GPT2: variants seen among roughly 807,000 people sequenced by gnomAD.
GPT2 encodes alanine aminotransferase 2.
In GPT2, 30 loss-of-function variants were observed where a neutral mutation model predicts 56.9. That is an observed-to-expected ratio of 0.53 (90% CI 0.39 to 0.72). GPT2 has a LOEUF of 0.72. Among genes scored for constraint, GPT2 ranks in the 30% least tolerant of loss-of-function variants. The probability of loss-of-function intolerance (pLI) is 0.00; values close to 1 mark genes in which losing one functional copy is unlikely to be tolerated. For missense variants in GPT2, 542 were observed against 703.4 expected (o/e 0.77, Z 2.60); for synonymous variants, 271 against 283.1 (o/e 0.96, Z 0.43).
intron 4 of GPT2, among the ~76,000 whole-genome samples, chr16:46,904,334 C>T (rs1002297257): frequency 2.6e-5 from 4 of 152,142 alleles, no homozygotes; most frequent in South Asian, 2.1e-4. Flanking sequence ...TTGCTCGAGC[C>T]CAGGAGTTCA....
At chr16:46,905,779 C>T (rs1396585193) in intron 4 of GPT2, among the ~76,000 whole-genome samples, 1 of 152,168 alleles carries the variant, frequency 6.6e-6, no homozygotes, top group Admixed American at 6.5e-5. Flanking sequence ...TCGATGTCTC[C>T]CCACCAGGCT....
At chr16:46,908,733 A>G (rs931804673) in intron 5 of GPT2, among the ~76,000 whole-genome samples, 2 of 152,134 alleles carry the variant, frequency 1.3e-5, no homozygotes, top group Non-Finnish European at 2.9e-5. Context: ...TCTGCTGTCA[A>G]GGCCTCTCTT....
At chr16:46,910,573 A>G (rs1052352318) in intron 6 of GPT2, among the ~76,000 whole-genome samples, 1 of 151,804 alleles carries the variant, frequency 6.6e-6, no homozygotes, top group African/African-American at 2.4e-5. Context: ...GTAAATGCAG[A>G]CATTTTCTGG....
At chr16:46,922,181 A>G in intron 8 of GPT2, 61 bp from the exon 9 acceptor site, 3 of 1,544,648 alleles carry the variant, frequency 1.9e-6, no homozygotes, top group Non-Finnish European at 2.7e-6. Context: ...GGCTGTCCAA[A>G]TGGCACTTTG....
At chr16:46,919,279 G>A (rs1345008102) in intron 8 of GPT2, among the ~76,000 whole-genome samples, 1 of 152,218 alleles carries the variant, frequency 6.6e-6, no homozygotes, top group African/African-American at 2.4e-5. Flanking sequence ...CCCTCCTGCC[G>A]GCACAAAGCG....
At chr16:46,906,162 C>T (rs1960921557) in intron 4 of GPT2, among the ~76,000 whole-genome samples, 1 of 152,118 alleles carries the variant, frequency 6.6e-6, no homozygotes, top group Admixed American at 6.6e-5. Flanking sequence ...CAGCCTCTAC[C>T]TCCTGAGCTC....
In GPT2 at chr16:46,929,215, G is replaced by A; in HGVS notation, c.*218G>A. 1 of 554,626 alleles carries A rather than the reference G, an allele frequency of 1.8e-6. No homozygotes were observed. Among genetic ancestry groups the A allele is most frequent in the South Asian group, 2.2e-5 (1 of 45,480 alleles). The allele number at this position is 554,626 out of a possible 1,614,324, so 34.4% of individuals were successfully genotyped here. ...ATTCTATATGCAACCAGAGTAGAGG[G>A]GACCTGCTCAGCAGGTGTGACCAGG... is the stretch of plus-strand genomic sequence containing the variant. On this transcript the variant is annotated 3_prime_UTR_variant, in exon 12 of 12. Transcript: ENST00000340124.
chr16:46,914,738 C>T (rs745335357), intron 6 of GPT2, among the ~76,000 whole-genome samples: 14 of 152,222 alleles, frequency 9.2e-5, no homozygotes, highest in Admixed American at 5.9e-4. Context: ...AGACGATGAG[C>T]GGGGAGAGGC....
At chr16:46,917,913 TG>T (rs1234501514) in intron 7 of GPT2, among the ~76,000 whole-genome samples, 3 of 152,176 alleles carry the variant, frequency 2.0e-5, no homozygotes, top group African/African-American at 4.8e-5. Context: ...AACTTCCTTC[TG>T]GGTCTGGGAA....
intron 6 of GPT2, among the ~76,000 whole-genome samples, chr16:46,912,518 A>T (rs754089545): frequency 6.6e-6 from 1 of 152,192 alleles, no homozygotes; most frequent in Non-Finnish European, 1.5e-5. Context: ...CTCCCGCTGG[A>T]GTTCCCCATA....
In GPT2 at chr16:46,929,074, G is replaced by A. The variant is rs747977704; in HGVS notation, c.*77G>A. 1.3e-4 allele frequency: 152 copies of A among 1,170,460 alleles called. No individual in the cohort carries two copies. The highest frequency in any genetic ancestry group is 1.8e-4 in the Non-Finnish European group (143 of 780,974). The allele number at this position is 1,170,460 out of a possible 1,614,324, so 72.5% of individuals were successfully genotyped here. ...CCGTCAGGCTGAACTCGCCTCCCCC[G>A]TGACTCTGCCTCGGGCCTCGCAGAG... is the stretch of plus-strand genomic sequence containing the variant. On this transcript the variant is annotated 3_prime_UTR_variant, in exon 12 of 12. Coordinates refer to ENST00000340124, the MANE Select transcript of GPT2 (RefSeq NM_133443.4).
chr16:46,904,615 C>G (rs1013847473), intron 4 of GPT2, among the ~76,000 whole-genome samples: 1 of 151,980 alleles, frequency 6.6e-6, no homozygotes, highest in Non-Finnish European at 1.5e-5. Flanking sequence ...GTCTGTGACC[C>G]GCAGAAGTAA....
chr16:46,930,917 G>A lies in GPT2; in HGVS notation c.*1920G>A, dbSNP rs1038615294. 29 of 152,772 alleles carry A rather than the reference G, an allele frequency of 1.9e-4. No homozygotes were observed. Among genetic ancestry groups the A allele is most frequent in the African/African-American group, 7.0e-4 (29 of 41,576 alleles). The allele number at this position is 152,772 out of a possible 1,614,324, so 9.5% of individuals were successfully genotyped here. A position where few individuals can be genotyped will look rare whatever the true frequency, so the allele number is the denominator to read the frequency against. On this transcript the variant is annotated 3_prime_UTR_variant, in exon 12 of 12. Transcript: ENST00000340124. The stretch of plus-strand genomic sequence containing the variant: ...GAGGTTAACGTCGGGTAGGAATGCT[G>A]ATCATGATAGGTTTGGTTTTCTACA...
intron 2 of GPT2, among the ~76,000 whole-genome samples, chr16:46,888,260 A>G (rs1364843934): frequency 6.6e-6 from 1 of 152,258 alleles, no homozygotes; most frequent in African/African-American, 2.4e-5. Flanking sequence ...ACATGGCTAT[A>G]GTTAGCTAAG....
chr16:46,892,168 A>G (rs114708202), intron 2 of GPT2, among the ~76,000 whole-genome samples: 3,414 of 152,272 alleles, frequency 0.022, 78 homozygotes, highest in African/African-American at 0.055. Context: ...TCCACATATG[A>G]GTGAGATCAT....
intron 6 of GPT2, among the ~76,000 whole-genome samples, chr16:46,913,187 G>A (rs1331674853): frequency 1.3e-4 from 20 of 152,204 alleles, no homozygotes; most frequent in Non-Finnish European, 2.9e-5. Context: ...CTCACGCTGT[G>A]TGTAACAGCA....
At chr16:46,885,685 C>G (rs1960469638) in intron 2 of GPT2, 2 of 262,326 alleles carry the variant, frequency 7.6e-6, no homozygotes, top group Non-Finnish European at 1.2e-5. Context: ...GAGTTTATAG[C>G]TTCATGTAAG....
At chr16:46,890,715 T>C (rs1960569145) in intron 2 of GPT2, among the ~76,000 whole-genome samples, 1 of 152,236 alleles carries the variant, frequency 6.6e-6, no homozygotes, top group African/African-American at 2.4e-5. Context: ...ATTCTATATG[T>C]AATATGATAT....
At chr16:46,925,006 C>T (rs1490994317) in intron 10 of GPT2, among the ~76,000 whole-genome samples, 1 of 152,144 alleles carries the variant, frequency 6.6e-6, no homozygotes, top group Non-Finnish European at 1.5e-5. Flanking sequence ...AAGCCATCCT[C>T]CTGCCTCTGC....
Sources: allele counts gnomAD v4.1 joint callset (sites outside exome capture counted in the v4.1 genomes callset), GRCh38; gene constraint gnomAD v4.1.1; transcripts MANE v1.5; gene names NCBI Gene and HGNC (gene_info 2026-07-23, HGNC 2026-07-21).